The following TCF20 variants were observed in gnomAD, a reference collection of about 807,000 sequenced individuals.
The protein encoded by TCF20 is SPRE-binding protein.
TCF20 carries 3 observed loss-of-function variants against 148.6 expected under a neutral mutation model. That is an observed-to-expected ratio of 0.02 (90% CI 0.01 to 0.05). The LOEUF is 0.05. Among genes scored for constraint, TCF20 ranks in the 10% least tolerant of loss-of-function variants. TCF20 has a pLI of 1.00. For synonymous variants in TCF20, 1,049 were observed against 909.5 expected (o/e 1.15, Z -2.76); for missense variants, 2,350 against 2,429.3 (o/e 0.97, Z 0.69).
chr22:42,340,837 A>AAGGGGG (rs1255130672), intron 1 of TCF20, among the ~76,000 whole-genome samples: 2 of 151,652 alleles, frequency 1.3e-5, no homozygotes, highest in African/African-American at 2.4e-5. Context: ...TAAAGAAGGG[A>AAGGGGG]AGGGGGAGGG....
At chr22:42,168,585 G>A in intron 5 of TCF20, 24 bp downstream of exon 5, 1 of 1,544,856 alleles carries the variant, frequency 6.5e-7, no homozygotes, top group Non-Finnish European at 8.7e-7. Context: ...GCAGGATGCA[G>A]GGAGCCCGGT....
At chr22:42,263,099 T>A (rs1433011583) in intron 1 of TCF20, among the ~76,000 whole-genome samples, 1 of 152,072 alleles carries the variant, frequency 6.6e-6, no homozygotes, top group Non-Finnish European at 1.5e-5. Flanking sequence ...AGAAGATATA[T>A]CTCCGTTGCA....
At chr22:42,340,294 C>A (rs1928141848) in intron 1 of TCF20, among the ~76,000 whole-genome samples, 1 of 152,166 alleles carries the variant, frequency 6.6e-6, no homozygotes, top group Admixed American at 6.5e-5. Context: ...GGTACAAGAC[C>A]CTTGTGCAAG....
At chr22:42,302,050 C>A (rs1327518210) in intron 1 of TCF20, among the ~76,000 whole-genome samples, 4 of 152,188 alleles carry the variant, frequency 2.6e-5, no homozygotes, top group African/African-American at 9.7e-5. Flanking sequence ...ATGGCACAGA[C>A]CCACCTCTTA....
At chr22:42,318,463 G>A (rs527346530) in intron 1 of TCF20, among the ~76,000 whole-genome samples, 3 of 152,298 alleles carry the variant, frequency 2.0e-5, no homozygotes, top group Admixed American at 6.5e-5. Context: ...GCAGCGGAAC[G>A]GTAAATTCAT....
chr22:42,279,155 G>A lies in TCF20; in HGVS notation c.-37+4672C>T, dbSNP rs1277444432. ...TTCCTTTACCCGTCCTGCCTCAGAT[G>A]GACTCCCAGCATCATCATCTGCCTC... On this transcript the variant is annotated intron_variant, in intron 1 of 5. Transcript: ENST00000359486. This position sits in a 1 kb window ranked among gnomAD's most constrained non-coding sequence, Gnocchi z 4.3. Among the ~76,000 whole-genome samples, 4 of 152,120 alleles carry A rather than the reference G, an allele frequency of 2.6e-5. No individual in the cohort carries two copies. The highest frequency in any genetic ancestry group is 4.4e-5 in the Non-Finnish European group (3 of 68,008).
intron 1 of TCF20, among the ~76,000 whole-genome samples, chr22:42,251,171 C>G (rs771220972): frequency 1.6e-4 from 24 of 152,036 alleles, no homozygotes; most frequent in Non-Finnish European, 2.9e-4. Context: ...TCAAATAAAT[C>G]CCCTTTAAAA....
At chr22:42,324,028 GTGA>G (rs1927809223) in intron 1 of TCF20, among the ~76,000 whole-genome samples, 1 of 146,570 alleles carries the variant, frequency 6.8e-6, no homozygotes, top group Non-Finnish European at 1.5e-5. Context: ...GGTGGTGGTG[GTGA>G]TGGAGGTTAT....
chr22:42,322,303 C>A (rs1927747011), intron 1 of TCF20, among the ~76,000 whole-genome samples: 2 of 151,912 alleles, frequency 1.3e-5, no homozygotes, highest in South Asian at 4.1e-4. Context: ...ATAAGAGGAC[C>A]CTGGGGAGTG....
chr22:42,287,056 G>A (rs1369979465), upstream of TCF20, among the ~76,000 whole-genome samples: 1 of 152,016 alleles, frequency 6.6e-6, no homozygotes, highest in African/African-American at 2.4e-5. Flanking sequence ...GGATCAGGAT[G>A]GCTGGGGGGA....
intron 1 of TCF20, among the ~76,000 whole-genome samples, chr22:42,306,924 A>G (rs934903977): frequency 1.3e-5 from 2 of 151,782 alleles, no homozygotes; most frequent in African/African-American, 4.8e-5. Flanking sequence ...CTGTAATCCC[A>G]GCTACTCGGG....
chr22:42,222,748 T>G (rs1347278277), intron 1 of TCF20, among the ~76,000 whole-genome samples: 2 of 152,244 alleles, frequency 1.3e-5, no homozygotes, highest in Non-Finnish European at 2.9e-5. Context: ...TGATTTTCTC[T>G]ACAAATCTTC....
At chr22:42,169,036 T>C (rs757846707) in intron 4 of TCF20, among the ~76,000 whole-genome samples, 16 of 151,828 alleles carry the variant, frequency 1.1e-4, no homozygotes, top group Non-Finnish European at 2.1e-4. Context: ...CAAGCATCTT[T>C]CAGGAGCATT....
At chr22:42,331,129 T>G (rs893554849) in intron 1 of TCF20, among the ~76,000 whole-genome samples, 5 of 152,198 alleles carry the variant, frequency 3.3e-5, no homozygotes, top group Non-Finnish European at 7.3e-5. Flanking sequence ...ACAAACTGTG[T>G]TCAAGCTTCA....
At chr22:42,222,656 C>T (rs117878768) in intron 1 of TCF20, among the ~76,000 whole-genome samples, 5,750 of 152,176 alleles carry the variant, frequency 0.038, 165 homozygotes, top group Non-Finnish European at 0.06. Flanking sequence ...TTCCTTCTTG[C>T]CACATGAGAT....
At chr22:42,302,820 G>A (rs932228050) in intron 1 of TCF20, among the ~76,000 whole-genome samples, 4 of 152,206 alleles carry the variant, frequency 2.6e-5, no homozygotes, top group African/African-American at 9.6e-5. Flanking sequence ...CCACGCCTGG[G>A]TGCAACTTCA....
At chr22:42,203,154 CTACT>C (rs1938155440) in intron 2 of TCF20, among the ~76,000 whole-genome samples, 1 of 151,766 alleles carries the variant, frequency 6.6e-6, no homozygotes, top group Non-Finnish European at 1.5e-5. Flanking sequence ...ATATTTTTCT[CTACT>C]TATTTATTTT....
intron 1 of TCF20, chr22:42,269,902 C>CA (rs1926504792): frequency 6.6e-6 from 1 of 152,216 alleles, no homozygotes; most frequent in South Asian, 2.1e-4. Context: ...AGCCCGTAGC[C>CA]AAGAGGCGAG....
At position 42,324,104 on chromosome 22, in the gene TCF20, T is replaced by TGGA. The variant is rs1601706999; in HGVS notation, c.-37+19374_-37+19375insTCC. ...GTGGTGGTGGTGATGGAGGTTATGG[T>TGGA]GGTGGTGGTGGTGGTGGTTATGGTG... is the stretch of plus-strand genomic sequence containing the variant. On this transcript the variant is annotated intron_variant, in intron 1 of 1. Coordinates refer to the TCF20 transcript ENST00000515426. Among the ~76,000 whole-genome samples, 6 of 104,544 alleles carry TGGA rather than the reference T, an allele frequency of 5.7e-5. 1 individual carries two copies. The East Asian group carries it at 9.1e-4, about 16-fold the overall frequency. 68.6% of individuals were successfully genotyped at this position (104,544 alleles called of 152,430 possible).
Sources: gnomAD v4.1 joint callset for allele counts (sites outside exome capture counted in the v4.1 genomes callset) on GRCh38, gnomAD v4.1.1 for gene constraint, Gnocchi (gnomAD v3.1) non-coding constraint, MANE v1.5 for transcripts, NCBI Gene and HGNC (gene_info 2026-07-23, HGNC 2026-07-21) for gene names.